Variants in IL16 observed in about 807,000 individuals in gnomAD.
The protein encoded by IL16 is pro-interleukin-16.
Under a neutral mutation model 110.1 loss-of-function variants are expected in IL16, and 67 were observed. The ratio of observed to expected loss-of-function variants is 0.61; its 90% CI spans 0.50 to 0.75. The LOEUF is 0.75. Ranked by LOEUF, IL16 falls within the 30% of genes least tolerant of loss-of-function variation. IL16 has a pLI of 0.00. For missense variants in IL16, 1,545 were observed against 1,655.0 expected (o/e 0.93, Z 1.15); for synonymous variants, 689 against 662.9 (o/e 1.04, Z -0.61).
intron 2 of IL16, among the ~76,000 whole-genome samples, chr15:81,236,414 T>A (rs1897177510): frequency 6.6e-6 from 1 of 152,084 alleles, no homozygotes; most frequent in South Asian, 2.1e-4. Context: ...CCCCTGAGTG[T>A]GTGGGAGGAT....
chr15:81,275,441 T>C (rs1186931857), intron 6 of IL16, among the ~76,000 whole-genome samples: 12 of 84,508 alleles, frequency 1.4e-4, no homozygotes, highest in Non-Finnish European at 2.6e-4. Context: ...ATCAAGAGGG[T>C]GGTGGAGAGG....
rs1190106141 is a variant in IL16, at chr15:81,306,126, A to G, written c.3639A>G (p.Ala1213=). The part of the protein sequence containing the change: ...MPDLNSSTDS[A]ASASAASDVS... ...ACCTCAACTCCTCCACTGACTCTGC[A>G]GCCTCAGCCTCTGCAGCCAGTGATG... Residue 1213 remains alanine (A), a synonymous_variant, in exon 17 of 19, where the codon GCA becomes GCG. Transcript: ENST00000683961. 6.2e-7 allele frequency: 1 copy of G among 1,614,172 alleles called. No individual in the cohort carries two copies. Among genetic ancestry groups the G allele is most frequent in the South Asian group, 1.1e-5 (1 of 91,084 alleles).
At chr15:81,197,992 C>G (rs553110290) in intron 1 of IL16, among the ~76,000 whole-genome samples, 4 of 152,176 alleles carry the variant, frequency 2.6e-5, no homozygotes, top group Admixed American at 2.6e-4. Flanking sequence ...TCTCCAGTTT[C>G]CCCCGGAAGG....
chr15:81,215,041 C>T (rs1896376771), intron 1 of IL16, among the ~76,000 whole-genome samples: 1 of 152,164 alleles, frequency 6.6e-6, no homozygotes, highest in Admixed American at 6.5e-5. Context: ...ACTGGATTCC[C>T]TGGATTGATT....
rs370301047 is a variant in IL16 at position 81,313,224 on chromosome 15, C to T, written c.*4426C>T. The T allele has an allele frequency of 3.2e-5, 49 of 1,512,214 alleles. No homozygotes were observed. Among genetic ancestry groups the T allele is most frequent in the Non-Finnish European group, 4.0e-5 (45 of 1,124,732 alleles). 93.7% of individuals were successfully genotyped at this position (1,512,214 alleles called of 1,614,324 possible). On this transcript the variant is annotated 3_prime_UTR_variant, in exon 19 of 19. Transcript: ENST00000683961. ...ACAGCTGGAGCTCCTCGATGAGTCA[C>T]GGGAGTTCTTTGCCAAGAAGTAACG...
intron 1 of IL16, among the ~76,000 whole-genome samples, chr15:81,197,796 A>T (rs1895653914): frequency 6.6e-6 from 1 of 151,972 alleles, no homozygotes; most frequent in South Asian, 2.1e-4. Context: ...TAACAGCATA[A>T]GAATAGAGGT....
intron 1 of IL16, among the ~76,000 whole-genome samples, chr15:81,218,014 GA>G (rs1314813680): frequency 2.0e-5 from 3 of 152,118 alleles, no homozygotes; most frequent in African/African-American, 7.2e-5. Context: ...TAAGGTTCTA[GA>G]AACTTTAGTC....
intron 2 of IL16, among the ~76,000 whole-genome samples, chr15:81,226,428 A>G (rs1336225607): frequency 6.6e-6 from 1 of 152,238 alleles, no homozygotes; most frequent in African/African-American, 2.4e-5. Context: ...ATCAAAGGTG[A>G]GATTTTTCAA....
At chr15:81,193,788 G>GT (rs376933974), upstream of IL16, among the ~76,000 whole-genome samples, 46 of 152,228 alleles carry the variant, frequency 3.0e-4, no homozygotes, top group African/African-American at 1.1e-3. Context: ...GTTTGCATCC[G>GT]TAAGTGGGGA....
chr15:81,288,495 T>A (rs1899551762), intron 10 of IL16, among the ~76,000 whole-genome samples: 1 of 152,244 alleles, frequency 6.6e-6, no homozygotes, highest in South Asian at 2.1e-4. Flanking sequence ...AACCATTTTT[T>A]AAGTGTACAG....
At chr15:81,306,792 G>C in intron 18 of IL16, 1 of 524,354 alleles carries the variant, frequency 1.9e-6, no homozygotes, top group East Asian at 3.8e-5. Context: ...GGCTTGGTTC[G>C]GGTTGGCAGG....
chr15:81,232,042 G>GTTTTTTTTTTTTTTTTTTTTTTT lies in IL16; in HGVS notation c.312+6333_312+6355dup. On this transcript the variant is annotated intron_variant, in intron 2 of 18. Transcript: ENST00000683961. Reference sequence around the variant, plus strand: ...ATGTAAGTCCTCCACATTTGTTCTTGTTTTTTTTTTTTTTTTTTTTTTTTC... The same window carrying GTTTTTTTTTTTTTTTTTTTTTTT: ...ATGTAAGTCCTCCACATTTGTTCTTGTTTTTTTTTTTTTTTTTTTTTTTTTTTTTTTTTTTTTTTTTTTTTTTC... 2.3e-4 allele frequency among the ~76,000 whole-genome samples: 13 copies of GTTTTTTTTTTTTTTTTTTTTTTT among 57,688 alleles called. 1 individual carries two copies. Among genetic ancestry groups the GTTTTTTTTTTTTTTTTTTTTTTT allele is most frequent in the Admixed American group, 4.8e-4 (2 of 4,206 alleles). 37.8% of individuals were successfully genotyped at this position (57,688 alleles called of 152,430 possible).
At chr15:81,294,204 T>G (rs1477199386) in intron 12 of IL16, among the ~76,000 whole-genome samples, 2 of 152,198 alleles carry the variant, frequency 1.3e-5, no homozygotes, top group Non-Finnish European at 1.5e-5. Flanking sequence ...GCCAGGTTAC[T>G]AAAAAGGAAG....
At chr15:81,272,608 AGG>A (rs1898690894) in intron 5 of IL16, among the ~76,000 whole-genome samples, 1 of 152,236 alleles carries the variant, frequency 6.6e-6, no homozygotes, top group East Asian at 1.9e-4. Context: ...TGGTGGGAGA[AGG>A]GCTACATTGT....
chr15:81,204,583 T>C (rs1895941537), intron 1 of IL16, among the ~76,000 whole-genome samples: 1 of 152,156 alleles, frequency 6.6e-6, no homozygotes. Context: ...GAGATAATCA[T>C]GTGGTTTTTG....
intron 1 of IL16, among the ~76,000 whole-genome samples, chr15:81,183,912 G>T (rs1895381620): frequency 6.6e-6 from 1 of 152,200 alleles, no homozygotes; most frequent in Non-Finnish European, 1.5e-5. Context: ...CAATAACTAA[G>T]ATAAAGTGTG....
intron 2 of IL16, among the ~76,000 whole-genome samples, chr15:81,235,084 C>T (rs1483297149): frequency 6.6e-6 from 1 of 152,122 alleles, no homozygotes; most frequent in Non-Finnish European, 1.5e-5. Flanking sequence ...TGCCCCCATG[C>T]CCAGTAAACA....
chr15:81,257,715 A>C (rs993962501), intron 2 of IL16, among the ~76,000 whole-genome samples: 1 of 152,186 alleles, frequency 6.6e-6, no homozygotes. Context: ...GGTTCTGCAA[A>C]CCCTTGGCAC....
In IL16 at chr15:81,285,811, G is replaced by A. The variant is rs763292060; in HGVS notation, c.1313G>A (p.Ser438Asn). 6.2e-7 allele frequency: 1 copy of A among 1,614,176 alleles called. No individual in the cohort carries two copies. Among genetic ancestry groups the A allele is most frequent in the African/African-American group, 1.3e-5 (1 of 75,044 alleles). ...CCCGGTCCAGTCCCCATCATTGTTAGCCGACATCCAGACCCACAGGTAACA... is the reference window on the plus strand; with the variant it reads ...CCCGGTCCAGTCCCCATCATTGTTAACCGACATCCAGACCCACAGGTAACA... The part of the protein sequence containing the change: ...CDPGPVPIIV[S>N]RHPDPQVSEQ... Residue 438 changes from serine (S) to asparagine (N), a missense_variant, in exon 10 of 19, where the codon AGC (serine) becomes AAC (asparagine). Physicochemically the swap from Ser to Asn is conservative, Grantham distance 46. This residue lies in a region of IL16 where 1,185 missense variants were observed against 1,238.8 expected (regional missense o/e 0.96). Transcript: ENST00000683961.
Sources: allele counts gnomAD v4.1 joint callset (sites outside exome capture counted in the v4.1 genomes callset), GRCh38; gene constraint gnomAD v4.1.1; regional missense constraint gnomAD v4.1.1; transcripts MANE v1.5; gene names NCBI Gene and HGNC (gene_info 2026-07-23, HGNC 2026-07-21).